Variants in PLXND1 observed in about 807,000 individuals in gnomAD.
PLXND1 encodes plexin D1.
A neutral mutation model predicts 197.7 loss-of-function variants in PLXND1; 54 were observed. That is an observed-to-expected ratio of 0.27 (90% CI 0.22 to 0.34). PLXND1 has a LOEUF of 0.34. PLXND1 is among the 10% of genes least tolerant of loss of function. PLXND1 has a pLI of 1.00. For synonymous variants in PLXND1, 1,180 were observed against 1,161.2 expected, an observed-to-expected ratio of 1.02 and a Z score of -0.33; for missense variants, 2,127 against 2,699.2, an observed-to-expected ratio of 0.79 and a Z score of 4.70.
At position 129,577,971 on chromosome 3, in the gene PLXND1, C is replaced by G. The variant is rs1200533523; in HGVS notation, c.2346+358G>C. On this transcript the variant is annotated intron_variant, in intron 9 of 35. Transcript: ENST00000324093. The surrounding 1 kb of genome is among the most constrained non-coding windows in gnomAD (Gnocchi z 5.0). ...TGGGCTCGGCGGTGGGTGGGTGTGT[C>G]CAGGGTCACAGCTCAGGCTAAGGGA... 6.6e-6 allele frequency among the ~76,000 whole-genome samples: 1 copy of G among 152,176 alleles called. No individual in the cohort carries two copies. Among genetic ancestry groups the G allele is most frequent in the Admixed American group, 6.5e-5 (1 of 15,282 alleles).
In PLXND1 at chr3:129,606,650, G is replaced by A; in HGVS notation, c.-11C>T. ...GGCGCGAGGAGCCATCCGGGCGTGC[G>A]CGGGCTGCGCGGCGCGGCGAGTGCA... On this transcript the variant is annotated 5_prime_UTR_variant, in exon 1 of 36. Coordinates refer to ENST00000324093, the MANE Select transcript of PLXND1 (RefSeq NM_015103.3). 1 of 979,716 alleles carries A rather than the reference G, an allele frequency of 1.0e-6. No homozygotes were observed. The allele number at this position is 979,716 out of a possible 1,614,324, so 60.7% of individuals were successfully genotyped here.
intron 34 of PLXND1, 94 bp downstream of exon 34, chr3:129,556,989 T>A: frequency 7.3e-7 from 1 of 1,369,128 alleles, no homozygotes; most frequent in Non-Finnish European, 1.0e-6. Flanking sequence ...CTGCGCTCCC[T>A]GCCCTTACTC....
At chr3:129,560,577 C>G (rs970612593) in intron 30 of PLXND1, 112 bp downstream of exon 30, 18 of 994,784 alleles carry the variant, frequency 1.8e-5, no homozygotes, top group Non-Finnish European at 2.1e-5. Flanking sequence ...CCCCCACCCC[C>G]CAGCCTTTCG....
At chr3:129,598,005 A>G (rs944915573) in intron 1 of PLXND1, among the ~76,000 whole-genome samples, 4 of 152,130 alleles carry the variant, frequency 2.6e-5, no homozygotes, top group African/African-American at 9.7e-5. Flanking sequence ...GGCAGGGCCA[A>G]TACAGACCAG....
At chr3:129,564,515 G>A (rs568492989) in intron 25 of PLXND1, among the ~76,000 whole-genome samples, 21 of 152,326 alleles carry the variant, frequency 1.4e-4, no homozygotes, top group African/African-American at 4.8e-4. Flanking sequence ...GAACATCCGA[G>A]GCCCCGGTTC....
At chr3:129,601,269 C>T (rs184340606) in intron 1 of PLXND1, among the ~76,000 whole-genome samples, 9 of 152,288 alleles carry the variant, frequency 5.9e-5, no homozygotes, top group Admixed American at 2.0e-4. Flanking sequence ...CTGAGGGCTG[C>T]GGGGACCGAG....
intron 1 of PLXND1, among the ~76,000 whole-genome samples, chr3:129,592,895 G>C (rs1197302456): frequency 6.6e-6 from 1 of 152,114 alleles, no homozygotes; most frequent in Non-Finnish European, 1.5e-5. Flanking sequence ...GATGCAGGCT[G>C]GGGGAGGGGG....
intron 2 of PLXND1, 44 bp downstream of exon 2, chr3:129,589,307 G>GCCCCCCCCCCCCCCCCCC: frequency 1.5e-6 from 1 of 684,692 alleles, no homozygotes; most frequent in Non-Finnish European, 2.6e-6. Context: ...TCCCAGGGGA[G>GCCCCCCCCCCCCCCCCCC]CCTCCCACCC....
At chr3:129,589,310 T>TGGGCCCCCCCCCCCCCCCCCCCC in intron 2 of PLXND1, 41 bp downstream of exon 2, 1 of 501,294 alleles carries the variant, frequency 2.0e-6, no homozygotes, top group Non-Finnish European at 3.8e-6. Flanking sequence ...CAGGGGAGCC[T>TGGGCCCCCCCCCCCCCCCCCCCC]CCCACCCCCA....
chr3:129,592,541 C>T (rs542323812), intron 1 of PLXND1, among the ~76,000 whole-genome samples: 93 of 152,174 alleles, frequency 6.1e-4, no homozygotes, highest in Non-Finnish European at 1.0e-3. Flanking sequence ...GCGCCCAGCT[C>T]GGGGTGATCT....
rs748347277 is a variant in PLXND1 at position 129,565,875 on chromosome 3, T to C, written c.4322+12A>G. On this transcript the variant is annotated intron_variant, in intron 24 of 35. Coordinates refer to ENST00000324093, the MANE Select transcript of PLXND1 (RefSeq NM_015103.3). ...CTCTTCCCTACCCCACCCCAGTCTG[T>C]CACAGCCTGACCTGTCGCGCACCGC... The C allele has an allele frequency of 1.9e-6, 3 of 1,613,610 alleles. No homozygotes were observed. In the Admixed American group the frequency reaches 5.0e-5, roughly 27 times the overall value.
Position 129,589,546 on chromosome 3 carries a change from G to A in PLXND1, c.1312-19C>T, listed in dbSNP as rs749697123. On this transcript the variant is annotated intron_variant, in intron 1 of 35. Transcript: ENST00000324093. The stretch of plus-strand genomic sequence containing the variant: ...GCTGGAGCTGGAAGAGGAACGGCAC[G>A]TCAGATCCCAGCTCCAGAACCTTCT... 50 of 1,544,266 alleles carry A rather than the reference G, an allele frequency of 3.2e-5. No individual in the cohort carries two copies. The highest frequency in any genetic ancestry group is 3.8e-5 in the Non-Finnish European group (44 of 1,147,354).
intron 1 of PLXND1, among the ~76,000 whole-genome samples, chr3:129,596,277 C>T (rs1286855414): frequency 2.0e-5 from 3 of 152,174 alleles, no homozygotes; most frequent in South Asian, 4.1e-4. Flanking sequence ...TGGGCTACAC[C>T]GCCCTCACCA....
rs201057995 is a variant in PLXND1 at position 129,605,815 on chromosome 3, G to A, written c.825C>T (p.His275=). The A allele has an allele frequency of 1.4e-5, 22 of 1,609,530 alleles. No individual in the cohort carries two copies. The highest frequency in any genetic ancestry group is 1.9e-5 in the Non-Finnish European group (22 of 1,178,282). The change falls in exon 1 of 36, where the codon CAC becomes CAT. Residue 275 remains histidine (H), a synonymous_variant. Transcript: ENST00000324093. The part of the protein sequence containing the change: ...LKIKQGAKEQ[H]KLGFVSAFLH... ...GGAAGGCGCTCACGAAGCCCAGCTTGTGCTGCTCCTTGGCGCCCTGCTTGA... is the reference window on the plus strand; with the variant it reads ...GGAAGGCGCTCACGAAGCCCAGCTTATGCTGCTCCTTGGCGCCCTGCTTGA...
Position 129,556,498 on chromosome 3 carries a change from C to T in PLXND1, c.5662-70G>A, listed in dbSNP as rs2084975315. 24 of 1,370,734 alleles carry T rather than the reference C, an allele frequency of 1.8e-5. No individual in the cohort carries two copies. In the South Asian group the frequency reaches 2.6e-4, roughly 15 times the overall value. The allele number at this position is 1,370,734 out of a possible 1,614,324, so 84.9% of individuals were successfully genotyped here. A position where few individuals can be genotyped will look rare whatever the true frequency, so the allele number is the denominator to read the frequency against. ...GCCTCAGTTCGTGGGAGAGAACACA[C>T]CCCTGAACGTCTACCACGAGTGACA... On this transcript the variant is annotated intron_variant, in intron 35 of 35. Coordinates refer to ENST00000324093, the MANE Select transcript of PLXND1 (RefSeq NM_015103.3).
chr3:129,586,107 C>A, intron 4 of PLXND1, 26 bp from the exon 5 acceptor site: 4 of 1,613,392 alleles, frequency 2.5e-6, no homozygotes, highest in Non-Finnish European at 3.4e-6. Context: ...AGGGTCAGGA[C>A]CCAGGTCAGC....
Position 129,573,576 on chromosome 3 carries a change from G to A in PLXND1, c.2837+18C>T, listed in dbSNP as rs2085267991. ...GGCACTGCTGGAGAAGGTAGGTGGG[G>A]GCACCGTGGCTACTCACTCCTCCGA... On this transcript the variant is annotated intron_variant, in intron 13 of 35. Transcript: ENST00000324093. 2 of 1,608,236 alleles carry A rather than the reference G, an allele frequency of 1.2e-6. No individual in the cohort carries two copies. Among genetic ancestry groups the A allele is most frequent in the Non-Finnish European group, 8.5e-7 (1 of 1,176,848 alleles).
At chr3:129,584,081 T>C (rs1162855811) in intron 7 of PLXND1, 44 bp downstream of exon 7, 2 of 1,310,758 alleles carry the variant, frequency 1.5e-6, no homozygotes, top group Non-Finnish European at 1.1e-6. Flanking sequence ...CGGGGATGCG[T>C]TCCTCCCTCC....
chr3:129,561,921 GGC>G lies in PLXND1; in HGVS notation c.4826-20_4826-19del, dbSNP rs775313786. ...GAACCACTCTGGGGGACAAGGGACA[GGC>G]CATCAGGGTCCGGGCAGGGAGCTGG... On this transcript the variant is annotated intron_variant, in intron 27 of 35. Coordinates refer to ENST00000324093, the MANE Select transcript of PLXND1 (RefSeq NM_015103.3). The G allele has an allele frequency of 2.5e-6, 4 of 1,579,174 alleles. No individual in the cohort carries two copies. The African/African-American group carries it at 5.4e-5, about 21-fold the overall frequency.
Sources: gnomAD v4.1 joint callset for allele counts (sites outside exome capture counted in the v4.1 genomes callset) on GRCh38, gnomAD v4.1.1 for gene constraint, Gnocchi (gnomAD v3.1) non-coding constraint, MANE v1.5 for transcripts, NCBI Gene and HGNC (gene_info 2026-07-23, HGNC 2026-07-21) for gene names.